CRACDL: variants seen among roughly 807,000 people sequenced by gnomAD.
CRACDL encodes CRACD-like protein.
A neutral mutation model predicts 70.6 loss-of-function variants in CRACDL; 26 were observed. The observed-to-expected ratio is 0.37, with a 90% CI of 0.27 to 0.51. CRACDL has a LOEUF of 0.51. Ranked by LOEUF, CRACDL falls within the 20% of genes least tolerant of loss-of-function variation. The pLI is 0.94. For synonymous variants in CRACDL, 618 were observed against 615.2 expected, an observed-to-expected ratio of 1.00 and a Z score of -0.07; for missense variants, 1,283 against 1,376.9, an observed-to-expected ratio of 0.93 and a Z score of 1.08.
At chr2:98,929,047 C>G (rs528601559) in intron 1 of CRACDL, among the ~76,000 whole-genome samples, 1 of 152,346 alleles carries the variant, frequency 6.6e-6, no homozygotes, top group African/African-American at 2.4e-5. Flanking sequence ...CTCACCTCCA[C>G]TGGCCAAGCT....
chr2:98,795,075 A>ACATTTTTTTT (rs1703751125), intron 9 of CRACDL, among the ~76,000 whole-genome samples: 1 of 24,456 alleles, frequency 4.1e-5, no homozygotes, highest in Non-Finnish European at 9.6e-5. Flanking sequence ...ATATATATAT[A>ACATTTTTTTT]TATTTTTTTT....
intron 1 of CRACDL, among the ~76,000 whole-genome samples, chr2:98,875,557 G>A (rs1707467670): frequency 6.6e-6 from 1 of 152,242 alleles, no homozygotes; most frequent in Non-Finnish European, 1.5e-5. Flanking sequence ...AGAGAACAGA[G>A]CAAGCCTGGG....
intron 1 of CRACDL, among the ~76,000 whole-genome samples, chr2:98,858,050 C>T (rs574517735): frequency 5.3e-5 from 8 of 152,098 alleles, no homozygotes; most frequent in African/African-American, 9.6e-5. Flanking sequence ...GGAAATTATG[C>T]GATGAACTCC....
intron 6 of CRACDL, among the ~76,000 whole-genome samples, chr2:98,826,523 ACT>A (rs999088964): frequency 7.9e-5 from 12 of 151,840 alleles, no homozygotes; most frequent in African/African-American, 2.9e-4. Flanking sequence ...TTTCTGGGGG[ACT>A]CTCAGGCCCC....
intron 1 of CRACDL, 21 bp downstream of exon 1, chr2:98,935,917 A>C (rs1006438966): frequency 1.3e-5 from 2 of 151,780 alleles, no homozygotes; most frequent in Admixed American, 1.3e-4. Flanking sequence ...GGGACACGCG[A>C]TTTCAAACCC....
At chr2:98,874,468 A>C (rs1293801141) in intron 1 of CRACDL, among the ~76,000 whole-genome samples, 1 of 152,246 alleles carries the variant, frequency 6.6e-6, no homozygotes, top group Non-Finnish European at 1.5e-5. Flanking sequence ...GCTGCTGGGC[A>C]GAATCATTGC....
chr2:98,897,382 A>C (rs191958254), intron 1 of CRACDL: 3 of 1,303,884 alleles, frequency 2.3e-6, no homozygotes, highest in East Asian at 5.5e-5. Flanking sequence ...CCTACCTTTT[A>C]TCTTGCACGG....
intron 1 of CRACDL, among the ~76,000 whole-genome samples, chr2:98,934,900 A>G (rs1272786120): frequency 2.0e-5 from 3 of 152,234 alleles, no homozygotes; most frequent in Non-Finnish European, 4.4e-5. Flanking sequence ...ATGGCACAGC[A>G]TAGGGGCAGA....
In CRACDL at chr2:98,827,108, T is replaced by C. The variant is rs200516268; in HGVS notation, c.602A>G (p.Asn201Ser). 3.4e-4 allele frequency: 555 copies of C among 1,613,956 alleles called. No homozygotes were observed. Among genetic ancestry groups the C allele is most frequent in the Non-Finnish European group, 4.2e-4 (497 of 1,179,994 alleles). ...GAAGTCAGCCACTGGTGCCAGGCTG[T>C]TGTCTGAGATCCGGGCAGAGACGGT... ...DSTVSARISD[N>S]SLAPVADFSY... Residue 201 changes from asparagine (N) to serine (S), a missense_variant, in exon 6 of 10, where the codon AAC becomes AGC. Asn to Ser is a conservative substitution (Grantham distance 46, BLOSUM62 1). This residue lies in a region of CRACDL where 362 missense variants were observed against 495.0 expected (regional missense o/e 0.73). Coordinates refer to ENST00000397899, the MANE Select transcript of CRACDL (RefSeq NM_207362.3).
intron 2 of CRACDL, among the ~76,000 whole-genome samples, chr2:98,843,173 T>G (rs1706109762): frequency 6.6e-6 from 1 of 152,212 alleles, no homozygotes; most frequent in African/African-American, 2.4e-5. Context: ...CTTCATATGC[T>G]TCTTTGCCAT....
intron 7 of CRACDL, among the ~76,000 whole-genome samples, chr2:98,815,525 GA>G (rs2104447129): frequency 6.6e-6 from 1 of 152,330 alleles, no homozygotes; most frequent in South Asian, 2.1e-4. Flanking sequence ...AGTGGCAAGG[GA>G]AAGGAGCCTG....
At chr2:98,847,062 A>C (rs776278988) in intron 1 of CRACDL, among the ~76,000 whole-genome samples, 5 of 152,228 alleles carry the variant, frequency 3.3e-5, no homozygotes, top group African/African-American at 4.8e-5. Flanking sequence ...ATGCTTCACT[A>C]ATTTACACAC....
At chr2:98,805,227 C>A (rs969027322) in intron 7 of CRACDL, among the ~76,000 whole-genome samples, 1 of 152,120 alleles carries the variant, frequency 6.6e-6, no homozygotes, top group African/African-American at 2.4e-5. Context: ...CTGAGCTACA[C>A]ACATAGGATC....
chr2:98,927,566 T>C (rs1708964195), intron 1 of CRACDL, among the ~76,000 whole-genome samples: 2 of 150,108 alleles, frequency 1.3e-5, no homozygotes, highest in Admixed American at 1.3e-4. Flanking sequence ...AGAAGGAGTC[T>C]GGTATATACA....
chr2:98,892,730 C>T (rs1010205781), intron 1 of CRACDL, among the ~76,000 whole-genome samples: 12 of 151,922 alleles, frequency 7.9e-5, no homozygotes, highest in African/African-American at 2.9e-4. Flanking sequence ...TAAAAATGAT[C>T]TGAGGAAAAC....
At chr2:98,933,228 G>A (rs540225737) in intron 1 of CRACDL, among the ~76,000 whole-genome samples, 5 of 152,138 alleles carry the variant, frequency 3.3e-5, no homozygotes, top group Non-Finnish European at 7.4e-5. Context: ...GAGGGGAAAG[G>A]GACTCACTGG....
chr2:98,827,298 A>C (rs1381455792), intron 5 of CRACDL, 129 bp from the exon 6 acceptor site: 2 of 650,596 alleles, frequency 3.1e-6, no homozygotes, highest in African/African-American at 3.6e-5. Flanking sequence ...CGTGTGTGGA[A>C]ATACTTTCTT....
At chr2:98,878,569 C>T (rs139163874) in intron 1 of CRACDL, among the ~76,000 whole-genome samples, 28 of 152,308 alleles carry the variant, frequency 1.8e-4, no homozygotes, top group Non-Finnish European at 3.5e-4. Flanking sequence ...ATTAAGTGAT[C>T]CATGACTGTA....
At chr2:98,918,973 A>C (rs34085027) in intron 1 of CRACDL, among the ~76,000 whole-genome samples, 46 of 152,202 alleles carry the variant, frequency 3.0e-4, no homozygotes, top group South Asian at 2.7e-3. Context: ...TGTTGGATGT[A>C]CTTTTGAGGT....
Sources: gnomAD v4.1 joint callset for allele counts (sites outside exome capture counted in the v4.1 genomes callset) on GRCh38, gnomAD v4.1.1 for gene constraint, gnomAD v4.1.1 regional missense constraint, MANE v1.5 for transcripts, NCBI Gene and HGNC (gene_info 2026-07-23, HGNC 2026-07-21) for gene names.